CLIC5: variants seen among roughly 807,000 people sequenced by gnomAD.
CLIC5 encodes the protein CLIC family member 5.
A neutral mutation model predicts 24.7 loss-of-function variants in CLIC5; 20 were observed. The ratio of observed to expected loss-of-function variants is 0.81; its 90% confidence interval spans 0.57 to 1.18. CLIC5 has a LOEUF of 1.18. CLIC5 is among the 50% of genes most tolerant of loss of function. The pLI is 0.00. For missense variants in CLIC5, 341 were observed against 326.1 expected (o/e 1.05, Z -0.35); for synonymous variants, 159 against 135.6 (o/e 1.17, Z -1.20).
intron 1 of CLIC5, among the ~76,000 whole-genome samples, chr6:45,965,032 C>A (rs940097681): frequency 1.3e-5 from 2 of 152,114 alleles, no homozygotes; most frequent in African/African-American, 4.8e-5. Context: ...AAATATTATG[C>A]CTTGATGAAG....
intron 1 of CLIC5, among the ~76,000 whole-genome samples, chr6:46,041,650 G>T (rs1157720637): frequency 6.6e-6 from 1 of 152,168 alleles, no homozygotes; most frequent in East Asian, 1.9e-4. Flanking sequence ...TTACATGTCT[G>T]CTCATTTGAA....
chr6:46,083,961 G>C (rs1330567418), upstream of CLIC5, among the ~76,000 whole-genome samples: 1 of 152,174 alleles, frequency 6.6e-6, no homozygotes, highest in Non-Finnish European at 1.5e-5. Context: ...GGGTGCTCCT[G>C]TATTGGGTGC....
chr6:46,091,102 A>T, the CLIC5 span, among the ~76,000 whole-genome samples: 1 of 152,212 alleles, frequency 6.6e-6, no homozygotes. Flanking sequence ...TGATTCACAC[A>T]TCTTCTTTGA....
chr6:46,011,764 C>A (rs1028659535), intron 1 of CLIC5, among the ~76,000 whole-genome samples: 2 of 152,178 alleles, frequency 1.3e-5, no homozygotes, highest in Non-Finnish European at 2.9e-5. Context: ...CTTTTACTTC[C>A]TTGCTCTATT....
the CLIC5 span, among the ~76,000 whole-genome samples, chr6:46,088,636 C>T: frequency 6.6e-6 from 1 of 152,126 alleles, no homozygotes; most frequent in East Asian, 1.9e-4. Context: ...AAATCATGTA[C>T]ATTTTTATTC....
intron 4 of CLIC5, among the ~76,000 whole-genome samples, chr6:45,918,139 G>A (rs2127321362): frequency 6.6e-6 from 1 of 152,204 alleles, no homozygotes; most frequent in South Asian, 2.1e-4. Flanking sequence ...GAAACAAGGG[G>A]AATAGTTCAT....
chr6:45,888,473 G>A (rs1013612184), intron 6 of CLIC5, among the ~76,000 whole-genome samples: 1 of 152,176 alleles, frequency 6.6e-6, no homozygotes, highest in Non-Finnish European at 1.5e-5. Context: ...TTACAGTTAT[G>A]CTATAAGCTA....
chr6:46,091,273 T>G, the CLIC5 span, among the ~76,000 whole-genome samples: 48 of 152,332 alleles, frequency 3.2e-4, no homozygotes, highest in South Asian at 9.1e-3. Context: ...ACCAACCTCT[T>G]GCCACCACCA....
At chr6:46,028,599 C>A (rs983254786) in intron 1 of CLIC5, among the ~76,000 whole-genome samples, 15 of 152,154 alleles carry the variant, frequency 9.9e-5, no homozygotes, top group African/African-American at 2.9e-4. Context: ...GTTATAGGTG[C>A]TTCTAAGCCA....
intron 4 of CLIC5, among the ~76,000 whole-genome samples, chr6:45,938,002 G>A (rs1763999303): frequency 6.6e-6 from 1 of 152,156 alleles, no homozygotes; most frequent in African/African-American, 2.4e-5. Flanking sequence ...GGGGGCTGGG[G>A]CATTAGTGAC....
chr6:46,052,744 A>T (rs962416337), intron 1 of CLIC5, among the ~76,000 whole-genome samples: 2 of 151,564 alleles, frequency 1.3e-5, no homozygotes, highest in African/African-American at 4.9e-5. Context: ...GGAGCCTTTT[A>T]CCTGTGGCCT....
rs778507506 is a variant in CLIC5 at position 45,914,424 on chromosome 6, T to C, written c.407-15A>G. 6.5e-7 allele frequency: 1 copy of C among 1,548,848 alleles called. No homozygotes were observed. Among genetic ancestry groups the C allele is most frequent in the East Asian group, 2.3e-5 (1 of 43,554 alleles). ...TCTTTCAAGAGCTGGCATGAAAGAG[T>C]AAAAGGGCCTTTATTCAAACTTCTT... On this transcript the variant is annotated splice_polypyrimidine_tract_variant and intron_variant, in intron 4 of 5. Coordinates refer to ENST00000339561, the MANE Select transcript of CLIC5 (RefSeq NM_016929.5).
chr6:46,005,995 T>TAA (rs1766542760), intron 1 of CLIC5, among the ~76,000 whole-genome samples: 2 of 118,334 alleles, frequency 1.7e-5, no homozygotes, highest in South Asian at 2.8e-4. Context: ...TATATATATA[T>TAA]ATATTTATAT....
At position 45,902,507 on chromosome 6, in the gene CLIC5, T is replaced by A. The variant is rs1355495985; in HGVS notation, c.*581A>T. The stretch of plus-strand genomic sequence containing the variant: ...AACTGAGAATGTGTCTCAAGTGACT[T>A]TCCAGTCTGGCCCTTAGTGCCCAAT... On this transcript the variant is annotated 3_prime_UTR_variant, in exon 6 of 6. Coordinates refer to ENST00000339561, the MANE Select transcript of CLIC5 (RefSeq NM_016929.5). 1 of 153,576 alleles carries A rather than the reference T, an allele frequency of 6.5e-6. No individual in the cohort carries two copies. Among genetic ancestry groups the A allele is most frequent in the South Asian group, 2.0e-4 (1 of 4,888 alleles). 9.5% of individuals were successfully genotyped at this position (153,576 alleles called of 1,614,324 possible).
intron 1 of CLIC5, among the ~76,000 whole-genome samples, chr6:45,985,099 G>A (rs1765689217): frequency 6.6e-6 from 1 of 152,182 alleles, no homozygotes. Context: ...GGCCTGGAAA[G>A]GCCTTCTAGA....
At chr6:45,915,734 C>T (rs886269534) in intron 4 of CLIC5, among the ~76,000 whole-genome samples, 6 of 152,120 alleles carry the variant, frequency 3.9e-5, no homozygotes, top group African/African-American at 1.4e-4. Context: ...AGACAAAATA[C>T]CCAAAAGAAC....
At chr6:45,996,420 C>A (rs1248123228) in intron 1 of CLIC5, among the ~76,000 whole-genome samples, 1 of 152,026 alleles carries the variant, frequency 6.6e-6, no homozygotes, top group Non-Finnish European at 1.5e-5. Flanking sequence ...AAGTCCTTGC[C>A]CATGCCTATG....
intron 5 of CLIC5, chr6:45,911,698 T>A (rs191252246): frequency 1.1e-5 from 11 of 985,400 alleles, no homozygotes; most frequent in Admixed American, 6.1e-5. Flanking sequence ...AAATGCAATT[T>A]GTAAATATAT....
chr6:46,082,482 C>T (rs1215442961), upstream of CLIC5, among the ~76,000 whole-genome samples: 1 of 152,218 alleles, frequency 6.6e-6, no homozygotes, highest in African/African-American at 2.4e-5. Context: ...CAACGGCCCA[C>T]ATGGCCCTGC....
Sources: allele counts gnomAD v4.1 joint callset (sites outside exome capture counted in the v4.1 genomes callset), GRCh38; gene constraint gnomAD v4.1.1; transcripts MANE v1.5; gene names NCBI Gene and HGNC (gene_info 2026-07-23, HGNC 2026-07-21).